Variants in CAST observed in about 807,000 individuals in gnomAD.
CAST encodes the protein MIR583 host.
CAST carries 76 observed loss-of-function variants against 119.6 expected under a neutral mutation model. The ratio of observed to expected loss-of-function variants is 0.64; its 90% CI spans 0.53 to 0.77. The LOEUF (loss-of-function observed/expected upper bound fraction) is 0.77. Among genes scored for constraint, CAST ranks in the 30% least tolerant of loss-of-function variants. The pLI, the probability that CAST is intolerant of heterozygous loss-of-function variation, is 0.00. For synonymous variants in CAST, 319 were observed against 331.6 expected, an observed-to-expected ratio of 0.96 and a Z score of 0.41; for missense variants, 953 against 946.5, an observed-to-expected ratio of 1.01 and a Z score of -0.09.
chr5:96,663,086 C>T, intron 1 of CAST: 1 of 702,060 alleles, frequency 1.4e-6, no homozygotes, highest in Non-Finnish European at 2.6e-6. Flanking sequence ...CAACACCCCG[C>T]GCCCTCGCCG....
At chr5:96,557,241 G>C (rs1250379464) in intron 1 of CAST, among the ~76,000 whole-genome samples, 1 of 152,074 alleles carries the variant, frequency 6.6e-6, no homozygotes, top group Non-Finnish European at 1.5e-5. Context: ...ACTGGTACCA[G>C]CCACTGCAAA....
the CAST span, among the ~76,000 whole-genome samples, chr5:95,981,143 G>C: frequency 2.6e-5 from 4 of 152,310 alleles, no homozygotes; most frequent in South Asian, 2.1e-4. Flanking sequence ...GGGCTGGTTG[G>C]TGAGCTGAGG....
chr5:96,283,479 C>T, the CAST span, among the ~76,000 whole-genome samples: 1 of 152,226 alleles, frequency 6.6e-6, no homozygotes, highest in Non-Finnish European at 1.5e-5. Context: ...GGCACTTAGA[C>T]TCTTTCACAA....
In CAST at chr5:96,662,436, G is replaced by A; in HGVS notation, c.14G>A (p.Gly5Asp). Reference sequence around the variant, plus strand: ...AGCGGCCTCGCCATGTCCCAGCCCGGCCAGAAGCCCGCCGCCTCCCCGCGG... The same window carrying A: ...AGCGGCCTCGCCATGTCCCAGCCCGACCAGAAGCCCGCCGCCTCCCCGCGG... The part of the protein sequence containing the change: MSQP[G>D]QKPAASPRPR... Residue 5 changes from glycine to aspartate, a missense_variant, in exon 1 of 32, where the codon GGC becomes GAC. By Grantham distance (94) the Gly-to-Asp change is moderately conservative. Coordinates refer to ENST00000675179, the MANE Select transcript of CAST (RefSeq NM_001750.7). 6.9e-7 allele frequency: 1 copy of A among 1,443,076 alleles called. No individual in the cohort carries two copies. Among genetic ancestry groups the A allele is most frequent in the Non-Finnish European group, 9.1e-7 (1 of 1,103,210 alleles). The allele number at this position is 1,443,076 out of a possible 1,614,324, so 89.4% of individuals were successfully genotyped here.
chr5:96,298,321 G>A, the CAST span, among the ~76,000 whole-genome samples: 3 of 152,176 alleles, frequency 2.0e-5, no homozygotes, highest in Non-Finnish European at 4.4e-5. Context: ...GCTCATAGCT[G>A]AGTAATACAG....
chr5:96,740,115 G>C lies in CAST; in HGVS notation c.876G>C (p.Leu292Phe). 7.2e-7 allele frequency: 1 copy of C among 1,392,312 alleles called. No individual in the cohort carries two copies. The highest frequency in any genetic ancestry group is 1.2e-5 in the South Asian group (1 of 80,900). The allele number at this position is 1,392,312 out of a possible 1,614,324, so 86.2% of individuals were successfully genotyped here. ...VTIPPKYREL[L>F]AKKEGITGPP... ...TTCCTCCAAAATATAGGGAACTATTGGCTGTAAGTTAAATAATCATTTACT... is the reference window on the plus strand; with the variant it reads ...TTCCTCCAAAATATAGGGAACTATTCGCTGTAAGTTAAATAATCATTTACT... The change falls in exon 12 of 32, where the codon TTG (leucine) becomes TTC (phenylalanine). Residue 292 changes from leucine (L) to phenylalanine (F), a missense_variant. Leu to Phe is a conservative substitution (Grantham distance 22). Transcript: ENST00000675179.
the CAST span, among the ~76,000 whole-genome samples, chr5:96,242,404 T>C: frequency 6.6e-6 from 1 of 152,164 alleles, no homozygotes; most frequent in African/African-American, 2.4e-5. Context: ...GTGCCAACAT[T>C]ACCTGCATGA....
the CAST span, among the ~76,000 whole-genome samples, chr5:96,085,972 G>T: frequency 1.0e-5 from 1 of 95,688 alleles, no homozygotes; most frequent in Non-Finnish European, 2.4e-5. Context: ...CTCTGTATCT[G>T]CAAGGGATTG....
the CAST span, among the ~76,000 whole-genome samples, chr5:96,190,178 G>A: frequency 1.8e-4 from 28 of 152,274 alleles, no homozygotes; most frequent in African/African-American, 5.8e-4. Context: ...GCCAGGGTGG[G>A]GCTGGGGAAC....
At chr5:96,578,568 CAT>C (rs1417822311) in intron 1 of CAST, among the ~76,000 whole-genome samples, 1 of 152,020 alleles carries the variant, frequency 6.6e-6, no homozygotes, top group Non-Finnish European at 1.5e-5. Flanking sequence ...TTAGTCTTGA[CAT>C]ATTTATTTCT....
rs192812708 is a variant in CAST, at chr5:96,555,688, G to A, written c.60+25808G>A. The stretch of plus-strand genomic sequence containing the variant: ...CAGCGAGGCTGACGGAGGGGTGCCC[G>A]CCATTGCCGAGGCTTGAGTAGGTAA... On this transcript the variant is annotated intron_variant, in intron 1 of 11. Coordinates refer to the CAST transcript ENST00000505143. Among the ~76,000 whole-genome samples the A allele has an allele frequency of 6.8e-4, 103 of 152,292 alleles. 1 individual carries two copies. The highest frequency in any genetic ancestry group is 4.9e-3 in the Admixed American group (75 of 15,304).
chr5:96,316,752 C>T, the CAST span, among the ~76,000 whole-genome samples: 2 of 152,034 alleles, frequency 1.3e-5, no homozygotes, highest in African/African-American at 4.8e-5. Flanking sequence ...CCACCCAGGG[C>T]CAAAAGACTA....
the CAST span, among the ~76,000 whole-genome samples, chr5:96,345,103 C>A: frequency 6.6e-6 from 1 of 152,014 alleles, no homozygotes; most frequent in African/African-American, 2.4e-5. Context: ...TGAGATCTCC[C>A]TTTTATATTT....
the CAST span, among the ~76,000 whole-genome samples, chr5:96,015,620 A>G: frequency 2.0e-5 from 3 of 152,170 alleles, no homozygotes; most frequent in African/African-American, 7.2e-5. Flanking sequence ...TGATTTGCCA[A>G]CCTTATCCAG....
chr5:96,018,726 C>G, the CAST span, among the ~76,000 whole-genome samples: 1 of 152,218 alleles, frequency 6.6e-6, no homozygotes, highest in East Asian at 1.9e-4. Context: ...AATAAGTGAC[C>G]ACTTGGTAAG....
the CAST span, among the ~76,000 whole-genome samples, chr5:96,091,604 C>T: frequency 2.6e-5 from 4 of 150,984 alleles, no homozygotes; most frequent in East Asian, 7.8e-4. Context: ...CTCCCAGGCT[C>T]AAGTGATCCT....
chr5:96,684,742 A>C (rs1347215765), intron 2 of CAST, among the ~76,000 whole-genome samples: 1 of 151,862 alleles, frequency 6.6e-6, no homozygotes, highest in Non-Finnish European at 1.5e-5. Flanking sequence ...TTTTTAAAAA[A>C]TATTTTTAGT....
chr5:96,746,314 C>CTT, intron 16 of CAST, 28 bp from the exon 17 acceptor site: 1 of 1,321,326 alleles, frequency 7.6e-7, no homozygotes, highest in Non-Finnish European at 1.1e-6. Flanking sequence ...TATCCAACTA[C>CTT]TTTTTTTTTC....
At chr5:96,509,195 C>T in the CAST span, among the ~76,000 whole-genome samples, 9 of 152,254 alleles carry the variant, frequency 5.9e-5, no homozygotes, top group Admixed American at 2.0e-4. Context: ...ACAGCAATTA[C>T]GATCAGCAAA....
Sources: allele counts gnomAD v4.1 joint callset (sites outside exome capture counted in the v4.1 genomes callset), GRCh38; gene constraint gnomAD v4.1.1; transcripts MANE v1.5; gene names NCBI Gene and HGNC (gene_info 2026-07-23, HGNC 2026-07-21).